The following SLIT1 variants were observed in gnomAD, a reference collection of about 807,000 sequenced individuals.
SLIT1 encodes the protein slit homolog 1 protein.
SLIT1 carries 66 observed loss-of-function variants against 186.1 expected under a neutral mutation model. The observed-to-expected ratio is 0.35, with a 90% CI of 0.29 to 0.44. The LOEUF (loss-of-function observed/expected upper bound fraction) is 0.44. Ranked by LOEUF, SLIT1 falls within the 20% of genes least tolerant of loss-of-function variation. The pLI is 1.00. For missense variants in SLIT1, 1,638 were observed against 2,037.4 expected (o/e 0.80, Z 3.77); for synonymous variants, 761 against 833.8 (o/e 0.91, Z 1.50).
chr10:97,170,833 CT>C (rs1170861240), intron 1 of SLIT1, among the ~76,000 whole-genome samples: 1 of 152,234 alleles, frequency 6.6e-6, no homozygotes, highest in East Asian at 1.9e-4. Context: ...TCCCCAGTCT[CT>C]GGGTGTTTGT....
chr10:97,174,096 G>A (rs2817666), intron 1 of SLIT1, among the ~76,000 whole-genome samples: 57,816 of 152,036 alleles, frequency 0.38, 11,683 homozygotes, highest in East Asian at 0.6. Flanking sequence ...CAGGCCTCCA[G>A]TCAAACGCCC....
rs188415740 is a variant in SLIT1 at position 97,054,337 on chromosome 10, C to T, written c.1301+1984G>A. On this transcript the variant is annotated intron_variant, in intron 13 of 36. Coordinates refer to ENST00000266058, the MANE Select transcript of SLIT1 (RefSeq NM_003061.3). ...CGCCTTCTGCCATGATTGTAAGCTT[C>T]CTGAGGCCTCACCAGAAGCCAAGCA... 5.3e-5 allele frequency among the ~76,000 whole-genome samples: 8 copies of T among 152,044 alleles called. No individual in the cohort carries two copies. The East Asian group carries it at 9.8e-4, about 19-fold the overall frequency.
intron 1 of SLIT1, among the ~76,000 whole-genome samples, chr10:97,179,610 C>G (rs962003127): frequency 3.5e-4 from 53 of 152,330 alleles, no homozygotes; most frequent in African/African-American, 1.2e-3. Flanking sequence ...CTGTGCTCCT[C>G]GTCTCTATGG....
rs530206265 is a variant in SLIT1, at chr10:97,082,249, T to C, written c.414-16163A>G. Among the ~76,000 whole-genome samples, 5 of 152,340 alleles carry C rather than the reference T, an allele frequency of 3.3e-5. No homozygotes were observed. In the East Asian group the frequency reaches 9.6e-4, roughly 29 times the overall value. ...TTTGCACAAAAACTGTTCACTTTACTCCTAAGACATGAATGATTGTGACTG... is the reference window on the plus strand; with the variant it reads ...TTTGCACAAAAACTGTTCACTTTACCCCTAAGACATGAATGATTGTGACTG... On this transcript the variant is annotated intron_variant, in intron 4 of 36. Transcript: ENST00000266058.
chr10:97,107,519 G>T (rs1318744546), intron 4 of SLIT1, among the ~76,000 whole-genome samples: 1 of 152,114 alleles, frequency 6.6e-6, no homozygotes, highest in Non-Finnish European at 1.5e-5. Context: ...GAGCCCTTTT[G>T]GTCATGGACC....
chr10:97,007,014 AC>A (rs1274011309), intron 31 of SLIT1, among the ~76,000 whole-genome samples: 1 of 152,202 alleles, frequency 6.6e-6, no homozygotes, highest in East Asian at 1.9e-4. Flanking sequence ...AATGTCAATA[AC>A]TCTGCAAGGC....
Position 97,182,533 on chromosome 10 carries a change from C to T in SLIT1, c.197+2945G>A, listed in dbSNP as rs1850352486. On this transcript the variant is annotated intron_variant, in intron 1 of 36. Coordinates refer to ENST00000266058, the MANE Select transcript of SLIT1 (RefSeq NM_003061.3). ...TTTGAGCAGCTCTTTCACGGGCTGC[C>T]TGGAGAACAGGCGGGCTCCCTGCGC... 2.0e-5 allele frequency among the ~76,000 whole-genome samples: 3 copies of T among 152,218 alleles called. No individual in the cohort carries two copies. The South Asian group carries it at 6.2e-4, about 31-fold the overall frequency.
At chr10:97,107,891 C>A (rs1396138390) in intron 4 of SLIT1, among the ~76,000 whole-genome samples, 1 of 152,126 alleles carries the variant, frequency 6.6e-6, no homozygotes, top group Non-Finnish European at 1.5e-5. Context: ...GTCACCCACA[C>A]AAAGGAGGAG....
intron 1 of SLIT1, among the ~76,000 whole-genome samples, chr10:97,165,986 C>A (rs1473428387): frequency 1.3e-5 from 2 of 152,092 alleles, no homozygotes; most frequent in African/African-American, 2.4e-5. Flanking sequence ...AGCAGAATCT[C>A]CCTCAGGCCT....
chr10:97,129,592 G>C (rs2134693761), intron 4 of SLIT1, among the ~76,000 whole-genome samples: 1 of 152,208 alleles, frequency 6.6e-6, no homozygotes, highest in South Asian at 2.1e-4. Flanking sequence ...AGAATGGCCT[G>C]AACCAGGGGA....
At chr10:97,088,458 T>C (rs182553633) in intron 4 of SLIT1, among the ~76,000 whole-genome samples, 1 of 152,288 alleles carries the variant, frequency 6.6e-6, no homozygotes, top group Non-Finnish European at 1.5e-5. Flanking sequence ...CAGGGGGAGT[T>C]CTGGCTTAGG....
chr10:97,039,670 C>T (rs1466911565), intron 21 of SLIT1, among the ~76,000 whole-genome samples: 2 of 152,242 alleles, frequency 1.3e-5, no homozygotes, highest in Non-Finnish European at 2.9e-5. Context: ...TTTGTGTCTT[C>T]ATGACACAGG....
intron 1 of SLIT1, among the ~76,000 whole-genome samples, chr10:97,166,620 A>AG (rs57763409): frequency 0.18 from 5,127 of 28,920 alleles, 161 homozygotes; most frequent in South Asian, 0.28. Context: ...AGAAAGAAAG[A>AG]AAGAGAAAAG....
At chr10:97,179,576 T>A (rs1850302933) in intron 1 of SLIT1, among the ~76,000 whole-genome samples, 1 of 152,258 alleles carries the variant, frequency 6.6e-6, no homozygotes, top group African/African-American at 2.4e-5. Context: ...GCCATTCTCG[T>A]ACTGAAGCCT....
intron 18 of SLIT1, among the ~76,000 whole-genome samples, chr10:97,045,899 A>G (rs1848729533): frequency 1.3e-5 from 2 of 152,262 alleles, no homozygotes; most frequent in Non-Finnish European, 2.9e-5. Context: ...TATAGTAGCC[A>G]CTAGCCACAT....
At chr10:97,001,640 C>T (rs909143573) in intron 36 of SLIT1, among the ~76,000 whole-genome samples, 4 of 152,120 alleles carry the variant, frequency 2.6e-5, no homozygotes, top group African/African-American at 7.2e-5. Flanking sequence ...GGCTGGAGGC[C>T]CCGGGGGCAA....
chr10:97,147,294 A>T (rs562521820), intron 4 of SLIT1, among the ~76,000 whole-genome samples: 1 of 152,166 alleles, frequency 6.6e-6, no homozygotes, highest in Non-Finnish European at 1.5e-5. Context: ...CTATTGCTCA[A>T]TGGGTACAGA....
Position 97,021,399 on chromosome 10 carries a change from T to C in SLIT1, c.2597A>G (p.Asn866Ser). ...GAGGTGGCAGTCACAGTATAGGGGG[T>C]TGGCACCAATGGCCCTGAGCAGAAA... ...TSLSHLAIGA[N>S]PLYCDCHLRW... Residue 866 changes from asparagine (N) to serine (S), a missense_variant, in exon 26 of 37, where the codon AAC (asparagine) becomes AGC (serine). Around this residue, in one of 3 missense-constraint regions of SLIT1, gnomAD observed 1,245 missense variants for 1,535.3 expected, o/e 0.81. Coordinates refer to ENST00000266058, the MANE Select transcript of SLIT1 (RefSeq NM_003061.3). The surrounding 1 kb of genome is among the most constrained non-coding windows in gnomAD (Gnocchi z 4.5). The C allele has an allele frequency of 1.2e-6, 2 of 1,613,490 alleles. No homozygotes were observed. Among genetic ancestry groups the C allele is most frequent in the Non-Finnish European group, 1.7e-6 (2 of 1,179,684 alleles).
intron 13 of SLIT1, among the ~76,000 whole-genome samples, chr10:97,054,989 A>AGGCG (rs1848823924): frequency 1.3e-5 from 2 of 152,140 alleles, no homozygotes; most frequent in Non-Finnish European, 2.9e-5. Flanking sequence ...AGGCCGAGGC[A>AGGCG]GGTGGATCAC....
Sources: gnomAD v4.1 joint callset for allele counts (sites outside exome capture counted in the v4.1 genomes callset) on GRCh38, gnomAD v4.1.1 for gene constraint, gnomAD v4.1.1 regional missense constraint, Gnocchi (gnomAD v3.1) non-coding constraint, MANE v1.5 for transcripts, NCBI Gene and HGNC (gene_info 2026-07-23, HGNC 2026-07-21) for gene names.